Variants in ARG2 observed in about 807,000 individuals in gnomAD.
ARG2 encodes arginase-2, mitochondrial.
Under a neutral mutation model 39.4 loss-of-function variants are expected in ARG2, and 21 were observed. That is an observed-to-expected ratio of 0.53 (90% CI 0.38 to 0.77). ARG2 has a LOEUF of 0.77. Ranked by LOEUF, ARG2 falls within the 30% of genes least tolerant of loss-of-function variation. The pLI, the probability that ARG2 is intolerant of heterozygous loss-of-function variation, is 0.00. For synonymous variants in ARG2, 150 were observed against 156.7 expected, an observed-to-expected ratio of 0.96 and a Z score of 0.32; for missense variants, 378 against 426.2, an observed-to-expected ratio of 0.89 and a Z score of 1.00.
intron 2 of ARG2, among the ~76,000 whole-genome samples, 186 bp downstream of exon 2, chr14:67,621,152 A>G (rs1387442517): frequency 1.3e-5 from 2 of 152,150 alleles, no homozygotes; most frequent in African/African-American, 4.8e-5. Context: ...TCTTGCAATA[A>G]AGAGTGTGTT....
At chr14:67,637,996 C>G (rs1333950246) in intron 2 of ARG2, among the ~76,000 whole-genome samples, 1 of 152,138 alleles carries the variant, frequency 6.6e-6, no homozygotes, top group Non-Finnish European at 1.5e-5. Context: ...CTGCCTTGAA[C>G]CTGGGGAGAC....
chr14:67,639,127 TC>T (rs2037003693), intron 2 of ARG2, among the ~76,000 whole-genome samples: 2 of 152,238 alleles, frequency 1.3e-5, no homozygotes, highest in Admixed American at 6.5e-5. Context: ...CAGTCTCTCT[TC>T]CTGGGAACGT....
chr14:67,639,240 T>C (rs1185136050), intron 2 of ARG2, among the ~76,000 whole-genome samples: 3 of 152,250 alleles, frequency 2.0e-5, no homozygotes, highest in Non-Finnish European at 2.9e-5. Flanking sequence ...TATCTGAGTC[T>C]ACATCCTGGT....
chr14:67,648,271 C>A (rs1190008126), intron 7 of ARG2, 88 bp downstream of exon 7: 2 of 1,428,908 alleles, frequency 1.4e-6, no homozygotes, highest in African/African-American at 1.4e-5. Flanking sequence ...TCTGCTATTC[C>A]ACATCATTGC....
chr14:67,646,854 C>T, intron 5 of ARG2, 67 bp from the exon 6 acceptor site: 2 of 1,381,950 alleles, frequency 1.4e-6, no homozygotes, highest in Middle Eastern at 1.8e-4. Flanking sequence ...CCACCCTCTC[C>T]CCCAAATACA....
intron 2 of ARG2, among the ~76,000 whole-genome samples, chr14:67,631,847 C>G (rs2036922024): frequency 6.6e-6 from 1 of 152,016 alleles, no homozygotes; most frequent in African/African-American, 2.4e-5. Flanking sequence ...TTACTGTCAC[C>G]TGTATGCTGA....
At chr14:67,648,231 G>A (rs753682357) in intron 7 of ARG2, 48 bp downstream of exon 7, 1 of 1,565,000 alleles carries the variant, frequency 6.4e-7, no homozygotes. Flanking sequence ...AGGTAAATAT[G>A]CTAGAGTCTC....
At chr14:67,628,988 T>C (rs1038732361) in intron 2 of ARG2, among the ~76,000 whole-genome samples, 1 of 152,232 alleles carries the variant, frequency 6.6e-6, no homozygotes, top group African/African-American at 2.4e-5. Flanking sequence ...CATTGATGGA[T>C]GAATGGACAA....
chr14:67,628,218 G>A lies in ARG2; in HGVS notation c.184+7252G>A, dbSNP rs577715163. On this transcript the variant is annotated intron_variant, in intron 2 of 7. Coordinates refer to ENST00000261783, the MANE Select transcript of ARG2 (RefSeq NM_001172.4). The stretch of plus-strand genomic sequence containing the variant: ...TTTTCTGGGCCTCCTTTATATTGCA[G>A]ATTCTTTTATTTTATAGATAGGTCT... 3.3e-5 allele frequency among the ~76,000 whole-genome samples: 5 copies of A among 152,200 alleles called. No individual in the cohort carries two copies. In the East Asian group the frequency reaches 9.7e-4, roughly 29 times the overall value.
intron 2 of ARG2, among the ~76,000 whole-genome samples, chr14:67,625,520 A>C (rs538344434): frequency 6.6e-6 from 1 of 151,724 alleles, no homozygotes; most frequent in Non-Finnish European, 1.5e-5. Flanking sequence ...TACTAAAAAT[A>C]CAAAAAAAAA....
rs1447220086 is a variant in ARG2 at position 67,631,430 on chromosome 14, C to CTTTTT, written c.184+10467_184+10468insTTTTT. Among the ~76,000 whole-genome samples the CTTTTT allele has an allele frequency of 1.8e-3, 233 of 128,404 alleles. 5 individuals are homozygous for CTTTTT. The highest frequency in any genetic ancestry group is 2.5e-3 in the African/African-American group (75 of 30,044). 84.2% of individuals were successfully genotyped at this position (128,404 alleles called of 152,430 possible). ...AATTCCTCTAGTAAATCCTTTCTTT[C>CTTTTT]TTTCTTTTTTTTTTTTTTTTTTTGA... On this transcript the variant is annotated intron_variant, in intron 2 of 7. Transcript: ENST00000261783.
chr14:67,644,116 C>G (rs2037067226), intron 3 of ARG2, among the ~76,000 whole-genome samples: 1 of 152,190 alleles, frequency 6.6e-6, no homozygotes, highest in East Asian at 1.9e-4. Context: ...TATATTGCAG[C>G]CATGTTACTG....
intron 2 of ARG2, among the ~76,000 whole-genome samples, chr14:67,627,851 C>T (rs2036883915): frequency 6.6e-6 from 1 of 152,136 alleles, no homozygotes; most frequent in African/African-American, 2.4e-5. Flanking sequence ...AAAGTCTTTG[C>T]CTAGGGTCTG....
rs757789815 is a variant in ARG2 at position 67,648,155 on chromosome 14, G to GTA, written c.835_836dup (p.Ala280LeufsTer38). 13 of 1,614,020 alleles carry GTA rather than the reference G, an allele frequency of 8.1e-6. No individual in the cohort carries two copies. ...GGGGACTAACCTATCGAGAAGGCAT[G>GTA]TATATTGCTGAGGAAATACACAATA... On this transcript the variant is annotated frameshift_variant, in exon 7 of 8. Coordinates refer to ENST00000261783, the MANE Select transcript of ARG2 (RefSeq NM_001172.4). LOFTEE classifies it high-confidence loss of function.
At chr14:67,648,823 A>G (rs2037134886) in intron 7 of ARG2, 1 of 152,246 alleles carries the variant, frequency 6.6e-6, no homozygotes. Flanking sequence ...AGCTACTTCA[A>G]ATGACCTTTC....
intron 2 of ARG2, among the ~76,000 whole-genome samples, chr14:67,638,655 A>G (rs1223714899): frequency 6.6e-6 from 1 of 152,186 alleles, no homozygotes; most frequent in Admixed American, 6.5e-5. Context: ...TCTAGGGGGA[A>G]AAAAGAAAAA....
chr14:67,630,457 G>T (rs2036907342), intron 2 of ARG2, among the ~76,000 whole-genome samples: 1 of 152,190 alleles, frequency 6.6e-6, no homozygotes, highest in Non-Finnish European at 1.5e-5. Flanking sequence ...AAGGGGCAAA[G>T]GCAGTTCTCT....
At chr14:67,644,653 G>C (rs2037073280) in intron 3 of ARG2, among the ~76,000 whole-genome samples, 1 of 152,166 alleles carries the variant, frequency 6.6e-6, no homozygotes, top group Non-Finnish European at 1.5e-5. Flanking sequence ...GTTGGCTAAT[G>C]TAAGCAGAGC....
chr14:67,627,256 G>GATATATAT (rs3070464), intron 2 of ARG2, among the ~76,000 whole-genome samples: 2,417 of 133,660 alleles, frequency 0.018, 57 homozygotes, highest in African/African-American at 0.038. Flanking sequence ...TCAGTAAGGA[G>GATATATAT]ATATATATAT....
Sources: gnomAD v4.1 joint callset for allele counts (sites outside exome capture counted in the v4.1 genomes callset) on GRCh38, gnomAD v4.1.1 for gene constraint, MANE v1.5 for transcripts, NCBI Gene and HGNC (gene_info 2026-07-23, HGNC 2026-07-21) for gene names.